Variants in CDYL2 observed in about 807,000 individuals in gnomAD.
CDYL2 encodes chromodomain Y like 2, also known as chromodomain Y-like protein 2.
A neutral mutation model predicts 49.4 loss-of-function variants in CDYL2; 23 were observed. The observed-to-expected ratio is 0.47, with a 90% confidence interval of 0.34 to 0.66. CDYL2 has a LOEUF of 0.66. Among genes scored for constraint, CDYL2 ranks in the 30% least tolerant of loss-of-function variants. The probability of loss-of-function intolerance (pLI) is 0.01; values close to 1 mark genes in which losing one functional copy is unlikely to be tolerated. For synonymous variants in CDYL2, 360 were observed against 268.8 expected, an observed-to-expected ratio of 1.34 and a Z score of -3.32; for missense variants, 678 against 656.4, an observed-to-expected ratio of 1.03 and a Z score of -0.36.
At chr16:80,801,632 A>G (rs1016289227) in intron 1 of CDYL2, among the ~76,000 whole-genome samples, 1 of 152,252 alleles carries the variant, frequency 6.6e-6, no homozygotes, top group African/African-American at 2.4e-5. Context: ...ACACTTTAGT[A>G]TAATATTTAA....
intron 2 of CDYL2, among the ~76,000 whole-genome samples, chr16:80,645,076 T>C (rs1306258724): frequency 6.6e-6 from 1 of 152,280 alleles, no homozygotes; most frequent in Non-Finnish European, 1.5e-5. Flanking sequence ...GACATAGGCA[T>C]GGACAGGGAC....
chr16:80,664,559 T>C (rs1307040479), intron 2 of CDYL2, among the ~76,000 whole-genome samples: 1 of 152,078 alleles, frequency 6.6e-6, no homozygotes, highest in Non-Finnish European at 1.5e-5. Flanking sequence ...CCCCACCACA[T>C]AGTGAGGGGA....
intron 2 of CDYL2, among the ~76,000 whole-genome samples, chr16:80,682,578 G>C (rs939118620): frequency 6.6e-6 from 1 of 152,194 alleles, no homozygotes; most frequent in Non-Finnish European, 1.5e-5. Flanking sequence ...CAGACTGTCA[G>C]CTACAGTCAG....
chr16:80,618,966 C>A (rs1310452888), intron 4 of CDYL2, among the ~76,000 whole-genome samples: 1 of 152,226 alleles, frequency 6.6e-6, no homozygotes, highest in African/African-American at 2.4e-5. Flanking sequence ...AAAAGGTATT[C>A]TCTCATAGTT....
At chr16:80,727,040 T>C (rs1905185676) in intron 1 of CDYL2, among the ~76,000 whole-genome samples, 1 of 152,196 alleles carries the variant, frequency 6.6e-6, no homozygotes, top group Non-Finnish European at 1.5e-5. Flanking sequence ...GAGCCATGAC[T>C]GTGCCTGGGC....
intron 6 of CDYL2, among the ~76,000 whole-genome samples, chr16:80,605,922 T>C (rs1906309758): frequency 6.6e-6 from 1 of 152,250 alleles, no homozygotes; most frequent in Admixed American, 6.5e-5. Flanking sequence ...GGCCCAGGGC[T>C]GCCTGACCAC....
At chr16:80,669,838 A>T (rs915460779) in intron 2 of CDYL2, among the ~76,000 whole-genome samples, 1 of 152,224 alleles carries the variant, frequency 6.6e-6, no homozygotes, top group African/African-American at 2.4e-5. Flanking sequence ...GTGGTGACAC[A>T]TGGCTCAGCC....
intron 2 of CDYL2, among the ~76,000 whole-genome samples, chr16:80,678,546 T>C (rs1261929173): frequency 5.9e-5 from 9 of 151,768 alleles, no homozygotes; most frequent in Non-Finnish European, 7.4e-5. Flanking sequence ...GAAATGCAAA[T>C]CAAAACCACA....
intron 2 of CDYL2, among the ~76,000 whole-genome samples, chr16:80,682,160 A>C (rs1909991881): frequency 6.6e-6 from 1 of 152,118 alleles, no homozygotes; most frequent in Non-Finnish European, 1.5e-5. Context: ...CAGTGCCTTA[A>C]CCTTACGGGC....
At chr16:80,642,449 A>T (rs188155219) in intron 2 of CDYL2, among the ~76,000 whole-genome samples, 3 of 152,196 alleles carry the variant, frequency 2.0e-5, no homozygotes, top group Admixed American at 6.5e-5. Context: ...TCTAAAAAAA[A>T]TTATATATTT....
chr16:80,619,186 T>A (rs1457046430), intron 4 of CDYL2, among the ~76,000 whole-genome samples: 2 of 152,154 alleles, frequency 1.3e-5, no homozygotes, highest in East Asian at 1.9e-4. Context: ...TGAAATAAGT[T>A]CTCTCTGCGT....
chr16:80,608,769 T>C (rs981411952), intron 5 of CDYL2, among the ~76,000 whole-genome samples: 8 of 151,628 alleles, frequency 5.3e-5, no homozygotes, highest in African/African-American at 1.9e-4. Flanking sequence ...GAGGTGGGGC[T>C]ACAAGGAAAG....
At chr16:80,672,611 A>AAAGGAAAGGG (rs1238059369) in intron 2 of CDYL2, among the ~76,000 whole-genome samples, 4 of 151,126 alleles carry the variant, frequency 2.6e-5, no homozygotes, top group African/African-American at 7.3e-5. Flanking sequence ...AAAGGAAAGG[A>AAAGGAAAGGG]AAAGAAAGGA....
intron 1 of CDYL2, among the ~76,000 whole-genome samples, chr16:80,739,054 C>A (rs1905641457): frequency 6.6e-6 from 1 of 152,184 alleles, no homozygotes; most frequent in African/African-American, 2.4e-5. Context: ...TATACACACA[C>A]AATGGAGTAT....
At chr16:80,614,725 G>A (rs1191365183) in intron 4 of CDYL2, among the ~76,000 whole-genome samples, 3 of 152,052 alleles carry the variant, frequency 2.0e-5, no homozygotes, top group Non-Finnish European at 4.4e-5. Flanking sequence ...TTAGCTGGGT[G>A]TGGTGGCAGA....
intron 1 of CDYL2, among the ~76,000 whole-genome samples, chr16:80,792,817 C>T (rs762126568): frequency 6.6e-6 from 1 of 152,174 alleles, no homozygotes; most frequent in African/African-American, 2.4e-5. Flanking sequence ...TCAAAGGGAA[C>T]TGCCCTCTGC....
At chr16:80,732,134 TC>T (rs952414189) in intron 1 of CDYL2, among the ~76,000 whole-genome samples, 1 of 152,168 alleles carries the variant, frequency 6.6e-6, no homozygotes, top group Non-Finnish European at 1.5e-5. Flanking sequence ...ATTGACGAAA[TC>T]CATAATGATG....
intron 2 of CDYL2, among the ~76,000 whole-genome samples, chr16:80,663,988 C>A (rs528431198): frequency 6.6e-6 from 1 of 152,264 alleles, no homozygotes; most frequent in Non-Finnish European, 1.5e-5. Flanking sequence ...ATCATGTCTC[C>A]TGCATTAAAA....
At chr16:80,686,617 T>C (rs1194214732) in intron 1 of CDYL2, among the ~76,000 whole-genome samples, 1 of 152,216 alleles carries the variant, frequency 6.6e-6, no homozygotes. Context: ...GATGTTTATG[T>C]TTACGTGTTT....
Sources: allele counts gnomAD v4.1 joint callset (sites outside exome capture counted in the v4.1 genomes callset), GRCh38; gene constraint gnomAD v4.1.1; transcripts MANE v1.5; gene names NCBI Gene and HGNC (gene_info 2026-07-23, HGNC 2026-07-21).